PRKCB: variants seen among roughly 807,000 people sequenced by gnomAD.
PRKCB encodes protein kinase C beta type.
PRKCB carries 13 observed loss-of-function variants against 81.5 expected under a neutral mutation model. The ratio of observed to expected loss-of-function variants is 0.16; its 90% CI spans 0.10 to 0.25. The LOEUF (loss-of-function observed/expected upper bound fraction) is 0.25, where lower values mean the gene tolerates loss of function less well. Ranked by LOEUF, PRKCB falls within the 10% of genes least tolerant of loss-of-function variation. The pLI, the probability that PRKCB is intolerant of heterozygous loss-of-function variation, is 1.00. For missense variants in PRKCB, 509 were observed against 875.7 expected, an observed-to-expected ratio of 0.58 and a Z score of 5.29; for synonymous variants, 335 against 321.4, an observed-to-expected ratio of 1.04 and a Z score of -0.45.
At chr16:23,857,733 T>G (rs1461768793) in intron 2 of PRKCB, among the ~76,000 whole-genome samples, 1 of 151,992 alleles carries the variant, frequency 6.6e-6, no homozygotes, top group African/African-American at 2.4e-5. Context: ...TGTGTGTGTG[T>G]GGGTGTGTGC....
At chr16:23,859,576 C>T (rs1962627890) in intron 2 of PRKCB, among the ~76,000 whole-genome samples, 1 of 152,126 alleles carries the variant, frequency 6.6e-6, no homozygotes. Context: ...CAGCTCACCT[C>T]CCAGGGTCCT....
intron 3 of PRKCB, among the ~76,000 whole-genome samples, chr16:24,029,056 G>A (rs911408997): frequency 1.3e-5 from 2 of 152,214 alleles, no homozygotes; most frequent in Admixed American, 1.3e-4. Context: ...CTCCCAAAGT[G>A]CTGGAATTAC....
chr16:23,898,104 C>T (rs560134733), intron 2 of PRKCB, among the ~76,000 whole-genome samples: 1 of 146,020 alleles, frequency 6.8e-6, no homozygotes, highest in Non-Finnish European at 1.5e-5. Context: ...CTTGCTCTGT[C>T]GCCCAGGCCA....
intron 2 of PRKCB, among the ~76,000 whole-genome samples, chr16:23,960,166 A>G (rs959555843): frequency 1.3e-5 from 2 of 152,204 alleles, no homozygotes; most frequent in Non-Finnish European, 2.9e-5. Flanking sequence ...ACAACCTCCT[A>G]GAGTTGTATT....
intron 1 of PRKCB, 111 bp downstream of exon 1, chr16:23,836,459 C>G: frequency 7.0e-7 from 1 of 1,433,418 alleles, no homozygotes; most frequent in Non-Finnish European, 9.3e-7. Context: ...CCTGGGACCC[C>G]GCGTCTCCGG....
At position 24,080,606 on chromosome 16, in the gene PRKCB, G is replaced by A. The variant is rs144523672; in HGVS notation, c.530-12185G>A. 2.0e-3 allele frequency among the ~76,000 whole-genome samples: 309 copies of A among 152,272 alleles called. 1 individual carries two copies. The highest frequency in any genetic ancestry group is 6.8e-3 in the Middle Eastern group (2 of 294). On this transcript the variant is annotated intron_variant, in intron 5 of 16. Transcript: ENST00000643927. ...AGTACAAGATAACCAGTGGACAGTT[G>A]TACATACAGTTGTAAAGGTCAGTAA... is the stretch of plus-strand genomic sequence containing the variant.
intron 13 of PRKCB, among the ~76,000 whole-genome samples, chr16:24,184,756 A>G: frequency 6.6e-6 from 1 of 152,240 alleles, no homozygotes; most frequent in Non-Finnish European, 1.5e-5. Flanking sequence ...TACTATTTTA[A>G]CCAGTTCTAA....
chr16:24,044,945 C>A (rs1948348383), intron 5 of PRKCB, among the ~76,000 whole-genome samples: 1 of 152,056 alleles, frequency 6.6e-6, no homozygotes, highest in African/African-American at 2.4e-5. Context: ...TATTTTATAA[C>A]CTGTGTGTGA....
At chr16:24,164,598 G>A (rs992906177) in intron 10 of PRKCB, among the ~76,000 whole-genome samples, 21 of 152,174 alleles carry the variant, frequency 1.4e-4, no homozygotes, top group African/African-American at 5.1e-4. Context: ...GAACACCCAC[G>A]TAGAAACGTC....
chr16:23,910,844 C>T (rs533550658), intron 2 of PRKCB, among the ~76,000 whole-genome samples: 6 of 152,074 alleles, frequency 3.9e-5, no homozygotes, highest in Admixed American at 1.3e-4. Context: ...CTCTTCCCTG[C>T]GGCCCCTGGT....
At chr16:23,936,286 C>A (rs1405481259) in intron 2 of PRKCB, among the ~76,000 whole-genome samples, 1 of 151,914 alleles carries the variant, frequency 6.6e-6, no homozygotes, top group Non-Finnish European at 1.5e-5. Flanking sequence ...TCCTCAGTGA[C>A]TGGCAGAAGC....
In PRKCB at chr16:23,894,712, T is replaced by A. The variant is rs148704806; in HGVS notation, c.205+57306T>A. ...TTTTTTAAGGCAGAAGAAAAATGTA[T>A]GTTCATTGTAAAAACCTGAAGCAAT... On this transcript the variant is annotated intron_variant, in intron 2 of 16. Coordinates refer to ENST00000643927, the MANE Select transcript of PRKCB (RefSeq NM_002738.7). Among the ~76,000 whole-genome samples the A allele has an allele frequency of 3.4e-4, 52 of 152,330 alleles. 1 individual carries two copies. The East Asian group carries it at 6.6e-3, about 19-fold the overall frequency.
At chr16:24,033,373 C>A (rs1031725613) in intron 4 of PRKCB, among the ~76,000 whole-genome samples, 5 of 152,140 alleles carry the variant, frequency 3.3e-5, no homozygotes, top group Admixed American at 2.6e-4. Flanking sequence ...TGGACACATG[C>A]AACCCTAACA....
At chr16:23,882,651 A>G (rs1017445035) in intron 2 of PRKCB, among the ~76,000 whole-genome samples, 9 of 152,240 alleles carry the variant, frequency 5.9e-5, no homozygotes, top group South Asian at 2.1e-4. Context: ...TGAATAGGCA[A>G]CATTTTGCTT....
chr16:24,108,625 CCT>C (rs1336293410), intron 7 of PRKCB, among the ~76,000 whole-genome samples: 337 of 150,050 alleles, frequency 2.2e-3, no homozygotes, highest in Non-Finnish European at 4.2e-3. Context: ...TCCATTCAAC[CCT>C]GAGTGGACAC....
At chr16:24,052,960 ACT>A (rs1458594589) in intron 5 of PRKCB, among the ~76,000 whole-genome samples, 3 of 152,056 alleles carry the variant, frequency 2.0e-5, no homozygotes, top group African/African-American at 7.2e-5. Flanking sequence ...CATCTCTGAC[ACT>A]CTGAGAACCA....
chr16:23,936,457 G>A (rs1190622978), intron 2 of PRKCB, among the ~76,000 whole-genome samples: 1 of 152,100 alleles, frequency 6.6e-6, no homozygotes, highest in Non-Finnish European at 1.5e-5. Flanking sequence ...CTCTCACCCA[G>A]GTTGCAGTAC....
intron 2 of PRKCB, among the ~76,000 whole-genome samples, chr16:23,983,242 A>C (rs1217250919): frequency 6.6e-6 from 1 of 152,210 alleles, no homozygotes; most frequent in Non-Finnish European, 1.5e-5. Flanking sequence ...ATTTTCTTCA[A>C]AGTGTTTTAG....
At chr16:24,196,472 A>G in intron 16 of PRKCB, among the ~76,000 whole-genome samples, 1 of 152,186 alleles carries the variant, frequency 6.6e-6, no homozygotes, top group South Asian at 2.1e-4. Flanking sequence ...GTGCTGGTGA[A>G]GGATCTGAAG....
Sources: gnomAD v4.1 joint callset for allele counts (sites outside exome capture counted in the v4.1 genomes callset) on GRCh38, gnomAD v4.1.1 for gene constraint, MANE v1.5 for transcripts, NCBI Gene and HGNC (gene_info 2026-07-23, HGNC 2026-07-21) for gene names.